Variants in NRTN observed in about 807,000 individuals in gnomAD.
NRTN encodes prepro-neurturin.
Under a neutral mutation model 7.5 loss-of-function variants are expected in NRTN, and 3 were observed. The ratio of observed to expected loss-of-function variants is 0.40; its 90% CI spans 0.18 to 1.03. The LOEUF is 1.03. Ranked by LOEUF, NRTN falls within the 50% of genes least tolerant of loss-of-function variation. The pLI is 0.34. For synonymous variants in NRTN, 157 were observed against 146.6 expected, an observed-to-expected ratio of 1.07 and a Z score of -0.51; for missense variants, 310 against 307.0, an observed-to-expected ratio of 1.01 and a Z score of -0.07.
chr19:5,812,521 C>T (rs1017010370), intron 1 of NRTN, among the ~76,000 whole-genome samples: 7 of 152,354 alleles, frequency 4.6e-5, no homozygotes, highest in South Asian at 4.1e-4. Context: ...CCCCCGCAGA[C>T]GCAGTATCGG....
intron 1 of NRTN, among the ~76,000 whole-genome samples, chr19:5,815,281 A>G (rs569459447): frequency 4.0e-4 from 61 of 152,120 alleles, no homozygotes; most frequent in African/African-American, 1.5e-3. Context: ...CTGTGTGTGT[A>G]AGTGGGATCA....
intron 1 of NRTN, among the ~76,000 whole-genome samples, chr19:5,817,452 G>A (rs1024998785): frequency 1.4e-5 from 1 of 73,758 alleles, no homozygotes; most frequent in African/African-American, 6.8e-5. Flanking sequence ...AGGAAGGAAG[G>A]GAAAGAGAGA....
In NRTN at chr19:5,806,040, T is replaced by C. The variant is rs1203714442; in HGVS notation, c.-399+589T>C. Among the ~76,000 whole-genome samples, 1 of 151,598 alleles carries C rather than the reference T, an allele frequency of 6.6e-6. No individual in the cohort carries two copies. The highest frequency in any genetic ancestry group is 1.5e-5 in the Non-Finnish European group (1 of 67,822). ...CAGCCACCAGAGGGCGTGAAACCCT[T>C]TGGTGTTGGGGGTGGGGGTCCCTTA... On this transcript the variant is annotated intron_variant, in intron 1 of 2. Transcript: ENST00000303212. The surrounding 1 kb of genome is among the most constrained non-coding windows in gnomAD (Gnocchi z 5.4).
intron 1 of NRTN, among the ~76,000 whole-genome samples, chr19:5,810,053 CAGG>C (rs1157699025): frequency 5.9e-5 from 9 of 151,554 alleles, no homozygotes; most frequent in Admixed American, 3.3e-4. Context: ...ATCACGAGGT[CAGG>C]AGATCAAGAC....
chr19:5,807,441 C>G (rs913915557), intron 1 of NRTN, among the ~76,000 whole-genome samples: 2 of 152,040 alleles, frequency 1.3e-5, no homozygotes, highest in African/African-American at 4.8e-5. Context: ...AGGTGGTGGC[C>G]GGGGGTTGGG....
chr19:5,813,230 AT>A (rs201298816), intron 1 of NRTN, among the ~76,000 whole-genome samples: 30 of 150,974 alleles, frequency 2.0e-4, no homozygotes, highest in African/African-American at 3.9e-4. Context: ...ATTTTTTTTA[AT>A]TTAAAAAAAA....
intron 2 of NRTN, among the ~76,000 whole-genome samples, chr19:5,827,159 G>A (rs1186246096): frequency 6.6e-6 from 1 of 152,162 alleles, no homozygotes; most frequent in Non-Finnish European, 1.5e-5. Flanking sequence ...TGGGGATGGA[G>A]GGAGTCTGAA....
chr19:5,823,878 T>A lies in NRTN; in HGVS notation c.-288T>A. The A allele has an allele frequency of 1.8e-6, 1 of 548,718 alleles. No homozygotes were observed. The highest frequency in any genetic ancestry group is 3.3e-6 in the Non-Finnish European group (1 of 303,846). The allele number at this position is 548,718 out of a possible 1,614,324, so 34.0% of individuals were successfully genotyped here. On this transcript the variant is annotated 5_prime_UTR_variant, in exon 2 of 3. Coordinates refer to ENST00000303212, the MANE Select transcript of NRTN (RefSeq NM_004558.5). ...GCCTGTGATGCCATTCTCCTCTGCCTGGCCAACTCCTACGTTTATTCAAGT... is the reference window on the plus strand; with the variant it reads ...GCCTGTGATGCCATTCTCCTCTGCCAGGCCAACTCCTACGTTTATTCAAGT...
chr19:5,811,758 C>T (rs1368795975), intron 1 of NRTN, among the ~76,000 whole-genome samples: 2 of 151,310 alleles, frequency 1.3e-5, no homozygotes, highest in African/African-American at 2.4e-5. Flanking sequence ...ACCATGTTAG[C>T]CAGGCTGGTC....
intron 1 of NRTN, among the ~76,000 whole-genome samples, chr19:5,810,089 C>T (rs896148589): frequency 2.6e-5 from 4 of 151,470 alleles, no homozygotes; most frequent in Admixed American, 2.6e-4. Context: ...CATGGCGAAA[C>T]CCCGTCTCTA....
intron 2 of NRTN, among the ~76,000 whole-genome samples, chr19:5,826,495 C>G (rs1428113642): frequency 6.6e-6 from 1 of 152,168 alleles, no homozygotes; most frequent in Non-Finnish European, 1.5e-5. Context: ...TCTGAGACCC[C>G]CTGTGGGAAC....
chr19:5,818,098 A>G (rs1262378845), intron 1 of NRTN, among the ~76,000 whole-genome samples: 2 of 151,656 alleles, frequency 1.3e-5, no homozygotes, highest in Admixed American at 6.6e-5. Flanking sequence ...CGAGTAGCTG[A>G]GATTACAGGC....
chr19:5,823,192 G>A (rs1375052946), intron 1 of NRTN, among the ~76,000 whole-genome samples: 11 of 152,196 alleles, frequency 7.2e-5, no homozygotes, highest in Non-Finnish European at 1.0e-4. Flanking sequence ...CAAGGTGGGC[G>A]GATCACTTGA....
chr19:5,817,737 C>A (rs1218603454), intron 1 of NRTN, among the ~76,000 whole-genome samples: 3 of 151,948 alleles, frequency 2.0e-5, no homozygotes, highest in Admixed American at 6.6e-5. Flanking sequence ...GTGAGGACAA[C>A]CCAGGATGTG....
chr19:5,828,292 A>G lies in NRTN; in HGVS notation c.*119A>G, dbSNP rs1235446739. On this transcript the variant is annotated 3_prime_UTR_variant, in exon 3 of 3. Coordinates refer to ENST00000303212, the MANE Select transcript of NRTN (RefSeq NM_004558.5). ...CCGGCGCGGCCCCGGGACTCTCGCG[A>G]TAACTGTACTGAGATAAAGTGTGGC... The G allele has an allele frequency of 8.6e-7, 1 of 1,158,818 alleles. No individual in the cohort carries two copies. Among genetic ancestry groups the G allele is most frequent in the Admixed American group, 2.8e-5 (1 of 35,690 alleles). The allele number at this position is 1,158,818 out of a possible 1,614,324, so 71.8% of individuals were successfully genotyped here. A position where few individuals can be genotyped will look rare whatever the true frequency, so the allele number is the denominator to read the frequency against.
intron 2 of NRTN, among the ~76,000 whole-genome samples, chr19:5,826,346 C>G (rs2057046375): frequency 1.3e-5 from 2 of 152,072 alleles, no homozygotes; most frequent in Non-Finnish European, 2.9e-5. Flanking sequence ...GCCCACCCCC[C>G]GCACCGATTT....
rs144949340 is a variant in NRTN, at chr19:5,820,877, C to T, written c.-398-2891C>T. 8.6e-3 allele frequency among the ~76,000 whole-genome samples: 1,303 copies of T among 152,172 alleles called. 16 individuals are homozygous for T. Among genetic ancestry groups the T allele is most frequent in the African/African-American group, 0.029 (1,195 of 41,540 alleles). On this transcript the variant is annotated intron_variant, in intron 1 of 2. Coordinates refer to ENST00000303212, the MANE Select transcript of NRTN (RefSeq NM_004558.5). The stretch of plus-strand genomic sequence containing the variant: ...CCCATGGCCCACACGAGGCCCTGCA[C>T]GAGCTGCTTCATCCCCTTCCAAACC...
At chr19:5,817,329 G>A (rs541319035) in intron 1 of NRTN, among the ~76,000 whole-genome samples, 1 of 151,508 alleles carries the variant, frequency 6.6e-6, no homozygotes, top group Non-Finnish European at 1.5e-5. Flanking sequence ...ACTCCAGCCT[G>A]GGCAACAGAG....
intron 1 of NRTN, among the ~76,000 whole-genome samples, chr19:5,812,483 A>C (rs1014923195): frequency 3.3e-5 from 5 of 152,208 alleles, no homozygotes; most frequent in African/African-American, 9.6e-5. Flanking sequence ...CCCCTGACAC[A>C]TGAAGCCACC....
Sources: allele counts gnomAD v4.1 joint callset (sites outside exome capture counted in the v4.1 genomes callset), GRCh38; gene constraint gnomAD v4.1.1; non-coding constraint Gnocchi (gnomAD v3.1); transcripts MANE v1.5; gene names NCBI Gene and HGNC (gene_info 2026-07-23, HGNC 2026-07-21).